CSMD1: variants seen among roughly 807,000 people sequenced by gnomAD.
CSMD1 encodes CUB and Sushi multiple domains 1.
Under a neutral mutation model 417.5 loss-of-function variants are expected in CSMD1, and 213 were observed. The observed-to-expected ratio is 0.51, with a 90% CI of 0.46 to 0.57. The LOEUF (loss-of-function observed/expected upper bound fraction) is 0.57. CSMD1 is among the 20% of genes least tolerant of loss of function. The probability of loss-of-function intolerance (pLI) is 0.00; values close to 1 mark genes in which losing one functional copy is unlikely to be tolerated. For missense variants in CSMD1, 6,923 were observed against 4,529.7 expected (o/e 1.53, Z -15.17); for synonymous variants, 2,862 against 1,736.8 (o/e 1.65, Z -16.11).
At chr8:4,656,942 C>G (rs1034901160) in intron 1 of CSMD1, among the ~76,000 whole-genome samples, 12 of 152,152 alleles carry the variant, frequency 7.9e-5, no homozygotes, top group African/African-American at 2.9e-4. Context: ...AGGTGTTTGT[C>G]TTTGCATCAC....
chr8:4,941,142 C>G (rs967644769), intron 1 of CSMD1, among the ~76,000 whole-genome samples: 2 of 151,980 alleles, frequency 1.3e-5, no homozygotes, highest in East Asian at 1.9e-4. Context: ...ATTGGTTTTA[C>G]AATAAATTGG....
intron 1 of CSMD1, among the ~76,000 whole-genome samples, chr8:4,950,117 G>A (rs200451274): frequency 7.3e-6 from 1 of 137,738 alleles, no homozygotes; most frequent in Non-Finnish European, 1.6e-5. Context: ...TGTTTCATAT[G>A]ATAAGATTTT....
chr8:3,329,464 C>T (rs1025102583), intron 23 of CSMD1, among the ~76,000 whole-genome samples: 2 of 152,080 alleles, frequency 1.3e-5, no homozygotes, highest in East Asian at 1.9e-4. Context: ...ATATGATGAA[C>T]GGGGAAACTG....
intron 7 of CSMD1, among the ~76,000 whole-genome samples, chr8:3,653,956 G>A (rs941324134): frequency 4.6e-5 from 7 of 152,116 alleles, no homozygotes; most frequent in African/African-American, 1.4e-4. Context: ...ACCCATGACA[G>A]CCTACTGTTG....
intron 1 of CSMD1, among the ~76,000 whole-genome samples, chr8:4,731,753 G>C (rs1191508097): frequency 6.6e-6 from 1 of 152,124 alleles, no homozygotes; most frequent in East Asian, 1.9e-4. Context: ...TACTCTAGTA[G>C]TTTGGGAAGT....
intron 7 of CSMD1, among the ~76,000 whole-genome samples, chr8:3,636,933 G>A (rs4641095): frequency 0.47 from 71,708 of 151,902 alleles, 17,070 homozygotes; most frequent in Middle Eastern, 0.64. Context: ...GAATGAATTA[G>A]TATCATTATT....
intron 1 of CSMD1, among the ~76,000 whole-genome samples, chr8:4,699,286 G>A (rs942425720): frequency 6.6e-6 from 1 of 152,082 alleles, no homozygotes; most frequent in African/African-American, 2.4e-5. Context: ...TATACCAACA[G>A]TACCTCTCTG....
intron 5 of CSMD1, among the ~76,000 whole-genome samples, chr8:3,862,797 C>G (rs981828099): frequency 1.3e-5 from 2 of 152,170 alleles, no homozygotes; most frequent in African/African-American, 4.8e-5. Flanking sequence ...AACTGCCTAT[C>G]ACAACAGCAT....
At chr8:4,994,299 C>A (rs1387286716) in intron 1 of CSMD1, 33 bp downstream of exon 1, 7 of 1,596,962 alleles carry the variant, frequency 4.4e-6, no homozygotes, top group Non-Finnish European at 6.0e-6. Context: ...GAGGGCTCTA[C>A]CGCCTCCCCG....
intron 3 of CSMD1, among the ~76,000 whole-genome samples, chr8:4,250,867 T>G (rs1803021999): frequency 6.6e-6 from 1 of 152,218 alleles, no homozygotes; most frequent in African/African-American, 2.4e-5. Flanking sequence ...ATTTACAGGG[T>G]ATTCCTACTA....
chr8:4,306,675 A>C (rs1308084164), intron 3 of CSMD1, among the ~76,000 whole-genome samples: 1 of 152,064 alleles, frequency 6.6e-6, no homozygotes, highest in African/African-American at 2.4e-5. Flanking sequence ...TGATTGTACA[A>C]TTCACATGCT....
intron 10 of CSMD1, among the ~76,000 whole-genome samples, chr8:3,542,829 C>T (rs117453975): frequency 0.012 from 1,775 of 152,296 alleles, 12 homozygotes; most frequent in East Asian, 0.036. Context: ...GATCCATAAC[C>T]CTGGGGTACA....
chr8:4,315,219 C>T (rs543260348), intron 3 of CSMD1, among the ~76,000 whole-genome samples: 1 of 152,256 alleles, frequency 6.6e-6, no homozygotes, highest in Admixed American at 6.5e-5. Flanking sequence ...ACTTTCTGCT[C>T]AAAGGAAAGC....
Position 3,469,608 on chromosome 8 carries a change from A to C in CSMD1, c.1449-784T>G, listed in dbSNP as rs527486296. ...GTTGAAATAGAAAAAGTGTAAGAAG[A>C]AAATCAATTCAACCAAAACAAATGT... On this transcript the variant is annotated intron_variant, in intron 11 of 69. Coordinates refer to ENST00000635120, the MANE Select transcript of CSMD1 (RefSeq NM_033225.6). Among the ~76,000 whole-genome samples the C allele has an allele frequency of 9.2e-5, 14 of 152,324 alleles. No individual in the cohort carries two copies. In the East Asian group the frequency reaches 2.7e-3, roughly 29 times the overall value.
At position 4,441,783 on chromosome 8, in the gene CSMD1, G is replaced by C. The variant is rs181224241; in HGVS notation, c.303-21718C>G. 1.7e-3 allele frequency among the ~76,000 whole-genome samples: 260 copies of C among 152,162 alleles called. 5 individuals carry two copies. Among genetic ancestry groups the C allele is most frequent in the Admixed American group, 0.016 (237 of 15,282 alleles). On this transcript the variant is annotated intron_variant, in intron 2 of 69. Transcript: ENST00000635120. ...TCCATTTGACTGACTAATCTTGGGT[G>C]TATCACAAGATAAATCAAATAAGGT...
At chr8:3,648,099 G>A (rs1213867603) in intron 7 of CSMD1, among the ~76,000 whole-genome samples, 1 of 152,192 alleles carries the variant, frequency 6.6e-6, no homozygotes, top group African/African-American at 2.4e-5. Context: ...CTGCAGGAAG[G>A]AGGTGTCTCC....
intron 10 of CSMD1, among the ~76,000 whole-genome samples, chr8:3,512,256 A>T (rs555695899): frequency 7.4e-4 from 113 of 152,292 alleles, no homozygotes; most frequent in African/African-American, 2.1e-3. Flanking sequence ...CTGCATTCTC[A>T]TCTTCAGGGA....
Position 4,762,869 on chromosome 8 carries a change from T to G in CSMD1, c.86-125311A>C, listed in dbSNP as rs953978313. On this transcript the variant is annotated intron_variant, in intron 1 of 69. Coordinates refer to ENST00000635120, the MANE Select transcript of CSMD1 (RefSeq NM_033225.6). Reference sequence around the variant, plus strand: ...TTGGTATGTATTGGAGTTAATAATATTTATTAGGCATCTCATTTATACACC... The same window carrying G: ...TTGGTATGTATTGGAGTTAATAATAGTTATTAGGCATCTCATTTATACACC... 3.3e-5 allele frequency among the ~76,000 whole-genome samples: 5 copies of G among 152,304 alleles called. No individual in the cohort carries two copies. The Middle Eastern group carries it at 0.017, about 518-fold the overall frequency.
At chr8:3,728,743 G>C (rs528141202) in intron 6 of CSMD1, among the ~76,000 whole-genome samples, 1 of 152,324 alleles carries the variant, frequency 6.6e-6, no homozygotes, top group African/African-American at 2.4e-5. Context: ...TCTGTCTTAA[G>C]TTATGGAGCT....
Sources: gnomAD v4.1 joint callset for allele counts (sites outside exome capture counted in the v4.1 genomes callset) on GRCh38, gnomAD v4.1.1 for gene constraint, MANE v1.5 for transcripts, NCBI Gene and HGNC (gene_info 2026-07-23, HGNC 2026-07-21) for gene names.